TEX14: variants seen among roughly 807,000 people sequenced by gnomAD.
TEX14 encodes the protein testis expressed 14, intercellular bridge forming factor, also known as inactive serine/threonine-protein kinase TEX14.
A neutral mutation model predicts 178.6 loss-of-function variants in TEX14; 168 were observed. That is an observed-to-expected ratio of 0.94 (90% CI 0.83 to 1.07). TEX14 has a LOEUF of 1.07. TEX14 is among the 50% of genes least tolerant of loss of function. The pLI is 0.00. For synonymous variants in TEX14, 626 were observed against 634.1 expected (o/e 0.99, Z 0.19); for missense variants, 1,730 against 1,753.6 (o/e 0.99, Z 0.24).
chr17:58,689,910 C>T (rs933274086), intron 1 of TEX14, among the ~76,000 whole-genome samples: 33 of 146,708 alleles, frequency 2.2e-4, no homozygotes, highest in Non-Finnish European at 4.2e-4. Flanking sequence ...AATGTGGTGG[C>T]GTGATCTAGG....
chr17:58,570,442 C>G lies in TEX14; in HGVS notation c.3760G>C (p.Val1254Leu). The G allele has an allele frequency of 6.6e-7, 1 of 1,523,080 alleles. No individual in the cohort carries two copies. Among genetic ancestry groups the G allele is most frequent in the Non-Finnish European group, 8.7e-7 (1 of 1,148,156 alleles). 94.3% of individuals were successfully genotyped at this position (1,523,080 alleles called of 1,614,324 possible). Residue 1254 changes from valine to leucine, a missense_variant, in exon 25 of 32, where the codon GTT becomes CTT. Physicochemically the swap from Val to Leu is conservative, Grantham distance 32. This residue lies in a region of TEX14 where 941 missense variants were observed against 1,072.4 expected (regional missense o/e 0.88). Transcript: ENST00000349033. ...GGTGGTGATGAGTCACATGCCTTAA[C>G]AAGGCTGGGGGATCCAGCCCCAATA... ...SFIGAGSPSL[V>L]KACDSSPPHA...
At chr17:58,644,731 C>A (rs928860746) in intron 2 of TEX14, among the ~76,000 whole-genome samples, 2 of 148,614 alleles carry the variant, frequency 1.3e-5, no homozygotes, top group African/African-American at 5.0e-5. Flanking sequence ...AACCTCCGCC[C>A]CCCCTGGTTC....
intron 1 of TEX14, among the ~76,000 whole-genome samples, chr17:58,663,279 G>T (rs574557492): frequency 5.3e-5 from 8 of 151,328 alleles, no homozygotes; most frequent in African/African-American, 1.5e-4. Flanking sequence ...AAAATTAGCC[G>T]GTTGTGGCGG....
At chr17:58,630,807 A>G (rs557068780) in intron 2 of TEX14, among the ~76,000 whole-genome samples, 1 of 152,342 alleles carries the variant, frequency 6.6e-6, no homozygotes, top group African/African-American at 2.4e-5. Context: ...CTGGCATATT[A>G]TAAAATGGAT....
Position 58,573,288 on chromosome 17 carries a change from T to C in TEX14, c.3404A>G (p.Asp1135Gly), listed in dbSNP as rs768275890. 9 of 1,613,826 alleles carry C rather than the reference T, an allele frequency of 5.6e-6. No homozygotes were observed. The highest frequency in any genetic ancestry group is 3.3e-4 in the Middle Eastern group (2 of 6,058). ...TGGTTCATAGGAGATACTAGACAGG[T>C]CTTGAATATCCGTCAATGATCTAAA... is the stretch of plus-strand genomic sequence containing the variant. ...EKDISLTDIQ[D>G]LSSISYEPDS... Residue 1135 changes from aspartate to glycine, a missense_variant, in exon 23 of 32, where the codon GAC becomes GGC. Asp to Gly is a moderately conservative substitution (Grantham distance 94). Coordinates refer to ENST00000349033, the MANE Select transcript of TEX14 (RefSeq NM_031272.5).
chr17:58,610,915 T>C (rs1226761783), intron 10 of TEX14, among the ~76,000 whole-genome samples: 1 of 151,100 alleles, frequency 6.6e-6, no homozygotes, highest in Non-Finnish European at 1.5e-5. Flanking sequence ...AATTTTGGAA[T>C]GGATAATTAT....
At chr17:58,683,970 C>A (rs758452430) in intron 1 of TEX14, among the ~76,000 whole-genome samples, 1 of 151,912 alleles carries the variant, frequency 6.6e-6, no homozygotes, top group Non-Finnish European at 1.5e-5. Flanking sequence ...GAGGCTGAGG[C>A]AGAAGAACTG....
chr17:58,584,616 CA>C lies in TEX14; in HGVS notation c.3071-17del, dbSNP rs1567719133. On this transcript the variant is annotated splice_polypyrimidine_tract_variant and intron_variant, in intron 18 of 31. Transcript: ENST00000349033. The stretch of plus-strand genomic sequence containing the variant: ...TGCCTGATACCTAATGATTGTAACA[CA>C]GTCAGGGTCAAAGTCATTCAGTGAT... 1.3e-6 allele frequency: 2 copies of C among 1,584,320 alleles called. No individual in the cohort carries two copies. The highest frequency in any genetic ancestry group is 4.5e-5 in the East Asian group (2 of 44,738).
chr17:58,602,676 C>T (rs1352901296), intron 11 of TEX14, 86 bp from the exon 12 acceptor site: 15 of 1,081,664 alleles, frequency 1.4e-5, no homozygotes, highest in Non-Finnish European at 1.7e-5. Flanking sequence ...AGCTGGGTAA[C>T]CTTAGGCAAG....
chr17:58,573,425 C>T (rs2044590357), intron 22 of TEX14, 117 bp from the exon 23 acceptor site: 7 of 877,552 alleles, frequency 8.0e-6, no homozygotes, highest in Non-Finnish European at 1.2e-5. Flanking sequence ...TGGCAATAGG[C>T]CAGAATTAGA....
At chr17:58,585,695 A>T in intron 18 of TEX14, 106 bp downstream of exon 18, 2 of 989,818 alleles carry the variant, frequency 2.0e-6, no homozygotes. Context: ...GGCTCAGGTG[A>T]TCCGCTCGCC....
chr17:58,576,893 T>C (rs2044691276), intron 21 of TEX14, among the ~76,000 whole-genome samples: 1 of 152,226 alleles, frequency 6.6e-6, no homozygotes, highest in Non-Finnish European at 1.5e-5. Context: ...CACTCAATGG[T>C]ATGGATGTAC....
chr17:58,601,166 G>C (rs373743642), intron 13 of TEX14, among the ~76,000 whole-genome samples: 1 of 151,866 alleles, frequency 6.6e-6, no homozygotes. Context: ...TGGGAGGATT[G>C]CTTGAGTTCA....
At chr17:58,605,917 A>G (rs568136153) in intron 10 of TEX14, among the ~76,000 whole-genome samples, 2 of 152,152 alleles carry the variant, frequency 1.3e-5, no homozygotes, top group African/African-American at 2.4e-5. Context: ...ATCTGCTTTT[A>G]TATCACTGTA....
At chr17:58,616,332 A>T (rs764041351) in intron 6 of TEX14, 27 bp from the exon 7 acceptor site, 1 of 1,605,880 alleles carries the variant, frequency 6.2e-7, no homozygotes, top group African/African-American at 1.3e-5. Flanking sequence ...GCCTCAAATT[A>T]TGGGGAGAAG....
In TEX14 at chr17:58,593,622, C is replaced by T; in HGVS notation, c.2509G>A (p.Glu837Lys). 1 of 1,614,126 alleles carries T rather than the reference C, an allele frequency of 6.2e-7. No homozygotes were observed. The highest frequency in any genetic ancestry group is 8.5e-7 in the Non-Finnish European group (1 of 1,180,024). Reference sequence around the variant, plus strand: ...GCTCCTTGAGTGCACTGAAATTGTTCATCTGTGTTCTGTTTTCCAGGGTCA... The same window carrying T: ...GCTCCTTGAGTGCACTGAAATTGTTTATCTGTGTTCTGTTTTCCAGGGTCA... Reference protein sequence around the residue: ...LCDPGKQNTDEQFQCTQGAKD... With the variant: ...LCDPGKQNTDKQFQCTQGAKD... The change falls in exon 15 of 32, where the codon GAA becomes AAA. Residue 837 changes from glutamate (E) to lysine (K), a missense_variant. Physicochemically the swap from Glu to Lys is moderately conservative, Grantham distance 56. Coordinates refer to ENST00000349033, the MANE Select transcript of TEX14 (RefSeq NM_031272.5).
chr17:58,690,160 T>A (rs1233010143), intron 1 of TEX14, among the ~76,000 whole-genome samples: 2 of 150,778 alleles, frequency 1.3e-5, no homozygotes, highest in Non-Finnish European at 3.0e-5. Context: ...TTTTTGTTTT[T>A]TTTATTTTGC....
At chr17:58,666,384 G>A (rs1478107962) in intron 1 of TEX14, among the ~76,000 whole-genome samples, 1 of 127,730 alleles carries the variant, frequency 7.8e-6, no homozygotes, top group Non-Finnish European at 1.6e-5. Flanking sequence ...AACAACCAAA[G>A]AAGGCTGAGC....
At chr17:58,583,623 A>G (rs1015866362) in intron 19 of TEX14, among the ~76,000 whole-genome samples, 1 of 152,138 alleles carries the variant, frequency 6.6e-6, no homozygotes, top group East Asian at 1.9e-4. Context: ...GCTTTTTGCC[A>G]CACACTTCCC....
Sources: allele counts gnomAD v4.1 joint callset (sites outside exome capture counted in the v4.1 genomes callset), GRCh38; gene constraint gnomAD v4.1.1; regional missense constraint gnomAD v4.1.1; transcripts MANE v1.5; gene names NCBI Gene and HGNC (gene_info 2026-07-23, HGNC 2026-07-21).